CD81: variants seen among roughly 807,000 people sequenced by gnomAD.
CD81 encodes the protein CD81 molecule, also known as CD81 antigen.
A neutral mutation model predicts 30.1 loss-of-function variants in CD81; 10 were observed. The ratio of observed to expected loss-of-function variants is 0.33; its 90% confidence interval spans 0.21 to 0.56. The LOEUF is 0.56. Among genes scored for constraint, CD81 ranks in the 20% least tolerant of loss-of-function variants. The pLI is 0.89. For missense variants in CD81, 263 were observed against 308.7 expected (o/e 0.85, Z 1.11); for synonymous variants, 147 against 126.4 (o/e 1.16, Z -1.10).
intron 3 of CD81, 24 bp downstream of exon 3, chr11:2,394,216 G>A (rs1207733707): frequency 2.0e-6 from 3 of 1,536,746 alleles, no homozygotes; most frequent in South Asian, 2.2e-5. Context: ...GCGGGCCTGT[G>A]CCTGGGCCGG....
chr11:2,377,706 C>A lies in CD81; in HGVS notation c.66+91C>A. On this transcript the variant is annotated intron_variant, in intron 1 of 7. Transcript: ENST00000263645. The surrounding 1 kb of genome is among the most constrained non-coding windows in gnomAD (Gnocchi z 7.7). ...GCGGCAGCGTGCTAGGCCCCGCGGG[C>A]GCAGCGCGGGCCGCGAAGTTGTGGG... 3 of 807,666 alleles carry A rather than the reference C, an allele frequency of 3.7e-6. No individual in the cohort carries two copies. Among genetic ancestry groups the A allele is most frequent in the Non-Finnish European group, 5.2e-6 (3 of 572,082 alleles). 50.0% of individuals were successfully genotyped at this position (807,666 alleles called of 1,614,324 possible). A position where few individuals can be genotyped will look rare whatever the true frequency, so the allele number is the denominator to read the frequency against.
intron 3 of CD81, among the ~76,000 whole-genome samples, chr11:2,394,463 C>T (rs1358941234): frequency 1.3e-5 from 2 of 152,220 alleles, no homozygotes; most frequent in Non-Finnish European, 2.9e-5. Context: ...CCAGCCTCGG[C>T]GTCCCGGGCA....
chr11:2,376,363 C>G (rs534635010), upstream of CD81: 1 of 152,232 alleles, frequency 6.6e-6, no homozygotes, highest in Non-Finnish European at 1.5e-5. Context: ...CCCAGGTAAG[C>G]CCCCGCCCAG....
At chr11:2,386,112 G>T (rs753496774) in intron 1 of CD81, 1 of 717,402 alleles carries the variant, frequency 1.4e-6, no homozygotes, top group Admixed American at 2.0e-5. Context: ...GGGTGCGCTC[G>T]GCATGTGGCT....
At chr11:2,393,889 C>T (rs1342896196) in intron 2 of CD81, 1 of 700,628 alleles carries the variant, frequency 1.4e-6, no homozygotes, top group Non-Finnish European at 2.6e-6. Flanking sequence ...AGTCTCCGTC[C>T]TGTGTCATGG....
At chr11:2,381,839 A>G (rs1849711171) in intron 1 of CD81, among the ~76,000 whole-genome samples, 1 of 152,200 alleles carries the variant, frequency 6.6e-6, no homozygotes, top group South Asian at 2.1e-4. Flanking sequence ...TCTCCCAGAA[A>G]TGGGCTTCAG....
Position 2,377,764 on chromosome 11 carries a change from G to C in CD81, c.66+149G>C. Reference sequence around the variant, plus strand: ...GTGGGCTCCAGGAGCGGGGTGGGGGGTCGCCCGGGGCCACCGCGCCCCCCG... The same window carrying C: ...GTGGGCTCCAGGAGCGGGGTGGGGGCTCGCCCGGGGCCACCGCGCCCCCCG... On this transcript the variant is annotated intron_variant, in intron 1 of 7. Transcript: ENST00000263645. The surrounding 1 kb of genome is among the most constrained non-coding windows in gnomAD (Gnocchi z 7.7). 1 of 311,750 alleles carries C rather than the reference G, an allele frequency of 3.2e-6. No homozygotes were observed. Among genetic ancestry groups the C allele is most frequent in the Non-Finnish European group, 5.8e-6 (1 of 172,032 alleles). 19.3% of individuals were successfully genotyped at this position (311,750 alleles called of 1,614,324 possible).
intron 1 of CD81, among the ~76,000 whole-genome samples, chr11:2,387,777 A>T (rs1409481048): frequency 6.6e-6 from 1 of 152,130 alleles, no homozygotes; most frequent in Admixed American, 6.5e-5. Context: ...ACTCTAATGC[A>T]CCTTCCACTC....
chr11:2,389,589 G>A (rs1292776690), intron 1 of CD81, among the ~76,000 whole-genome samples: 1 of 152,120 alleles, frequency 6.6e-6, no homozygotes, highest in East Asian at 1.9e-4. Flanking sequence ...TCCTCTCTGT[G>A]AGCCTCATCC....
upstream of CD81, among the ~76,000 whole-genome samples, chr11:2,376,526 C>A (rs1454880676): frequency 6.6e-6 from 1 of 152,216 alleles, no homozygotes; most frequent in Non-Finnish European, 1.5e-5. Context: ...GTGCAGCAGG[C>A]CTGGCCCCAC....
intron 1 of CD81, chr11:2,386,333 C>A: frequency 1.6e-6 from 1 of 623,144 alleles, no homozygotes. Flanking sequence ...CCAGGTCTTT[C>A]GGAGAGCAGG....
In CD81 at chr11:2,380,502, G is replaced by A. The variant is rs186722444; in HGVS notation, c.66+2887G>A. Among the ~76,000 whole-genome samples the A allele has an allele frequency of 1.5e-3, 229 of 152,254 alleles. 3 individuals carry two copies. Among genetic ancestry groups the A allele is most frequent in the Middle Eastern group, 0.01 (3 of 294 alleles). ...CCTTCCCAAGCCAAGGTGCGAGGGG[G>A]AAGGTCTGGGCAGCATGCACCTGCG... On this transcript the variant is annotated intron_variant, in intron 1 of 7. Coordinates refer to ENST00000263645, the MANE Select transcript of CD81 (RefSeq NM_004356.4).
chr11:2,393,905 G>A (rs1171964521), intron 2 of CD81, 190 bp from the exon 3 acceptor site: 3 of 702,516 alleles, frequency 4.3e-6, no homozygotes, highest in East Asian at 5.4e-5. Context: ...CATGGAAGAG[G>A]TAACTGAGGC....
chr11:2,396,790 C>T lies in CD81; in HGVS notation c.649-14C>T, dbSNP rs1202910598. ...GGCCTTGTGCTGACTGCGCCCCCCA[C>T]CACCCTCCTGCAGATCTTCGAGATG... On this transcript the variant is annotated splice_polypyrimidine_tract_variant and intron_variant, in intron 7 of 7. Coordinates refer to ENST00000263645, the MANE Select transcript of CD81 (RefSeq NM_004356.4). 2.5e-6 allele frequency: 4 copies of T among 1,612,644 alleles called. No individual in the cohort carries two copies. The highest frequency in any genetic ancestry group is 1.3e-5 in the African/African-American group (1 of 75,046).
intron 6 of CD81, 51 bp from the exon 7 acceptor site, chr11:2,396,577 C>G (rs755833573): frequency 4.9e-5 from 72 of 1,456,792 alleles, no homozygotes; most frequent in Non-Finnish European, 6.3e-5. Context: ...CAACGGGAAG[C>G]CGGGAGCCGA....
intron 3 of CD81, chr11:2,394,736 C>G (rs749720854): frequency 1.3e-4 from 82 of 620,690 alleles, no homozygotes; most frequent in Admixed American, 6.5e-4. Flanking sequence ...TCCACCCCGT[C>G]CTGTGGAGCC....
In CD81 at chr11:2,379,291, G is replaced by T. The variant is rs529103744; in HGVS notation, c.66+1676G>T. On this transcript the variant is annotated intron_variant, in intron 1 of 7. Transcript: ENST00000263645. ...AGGGAGGGTGTGGACCTGGGGGCAG[G>T]GGCCGAGGGAGGGTGTAGGCCTGGG... is the stretch of plus-strand genomic sequence containing the variant. The T allele has an allele frequency of 1.8e-4, 80 of 439,078 alleles. No homozygotes were observed. The East Asian group carries it at 4.8e-3, about 26-fold the overall frequency. 27.2% of individuals were successfully genotyped at this position (439,078 alleles called of 1,614,324 possible).
rs1256295128 is a variant in CD81 at position 2,393,595 on chromosome 11, A to G, written c.182-500A>G. The G allele has an allele frequency of 8.4e-6, 4 of 474,194 alleles. 1 individual carries two copies. In the Admixed American group the frequency reaches 1.4e-4, roughly 17 times the overall value. The allele number at this position is 474,194 out of a possible 1,614,324, so 29.4% of individuals were successfully genotyped here. On this transcript the variant is annotated intron_variant, in intron 2 of 7. Coordinates refer to ENST00000263645, the MANE Select transcript of CD81 (RefSeq NM_004356.4). Reference sequence around the variant, plus strand: ...GGCCCCCCCACCCTCTTCTCGCACCACACTGGGGAGGCAGCATTGGTTCCA... The same window carrying G: ...GGCCCCCCCACCCTCTTCTCGCACCGCACTGGGGAGGCAGCATTGGTTCCA...
rs1218622082 is a variant in CD81, at chr11:2,396,858, G to A, written c.703G>A (p.Val235Met). ...GTGCTGTGGCATCCGGAACAGCTCC[G>A]TGTACTGAGGCCCCGCAGCTCTGGC... ...VLCCGIRNSSVY is the reference protein window; with the variant it reads ...VLCCGIRNSSMY The change falls in exon 8 of 8, where the codon GTG becomes ATG. Residue 235 changes from valine to methionine, a missense_variant. This residue lies in a region of CD81 where 176 missense variants were observed against 192.9 expected (regional missense o/e 0.91). Coordinates refer to ENST00000263645, the MANE Select transcript of CD81 (RefSeq NM_004356.4). 7.4e-6 allele frequency: 12 copies of A among 1,612,658 alleles called. No homozygotes were observed. The highest frequency in any genetic ancestry group is 2.2e-5 in the East Asian group (1 of 44,884).
Sources: allele counts gnomAD v4.1 joint callset (sites outside exome capture counted in the v4.1 genomes callset), GRCh38; gene constraint gnomAD v4.1.1; regional missense constraint gnomAD v4.1.1; non-coding constraint Gnocchi (gnomAD v3.1); transcripts MANE v1.5; gene names NCBI Gene and HGNC (gene_info 2026-07-23, HGNC 2026-07-21).